GMDS: variants seen among roughly 807,000 people sequenced by gnomAD.
GMDS encodes GDP-mannose 4,6-dehydratase, also known as GDP-mannose 4,6 dehydratase.
A neutral mutation model predicts 49.9 loss-of-function variants in GMDS; 20 were observed. The observed-to-expected ratio is 0.40, with a 90% CI of 0.28 to 0.58. The LOEUF (loss-of-function observed/expected upper bound fraction) is 0.58, where lower values mean the gene tolerates loss of function less well. Ranked by LOEUF, GMDS falls within the 20% of genes least tolerant of loss-of-function variation. The pLI, the probability that GMDS is intolerant of heterozygous loss-of-function variation, is 0.42. For synonymous variants in GMDS, 177 were observed against 178.6 expected (o/e 0.99, Z 0.07); for missense variants, 362 against 481.4 (o/e 0.75, Z 2.32).
chr6:2,089,562 A>T (rs1223132243), intron 4 of GMDS, among the ~76,000 whole-genome samples: 2 of 152,158 alleles, frequency 1.3e-5, no homozygotes, highest in African/African-American at 4.8e-5. Flanking sequence ...AGAGAAAAGG[A>T]GATGTAAGAG....
intron 1 of GMDS, among the ~76,000 whole-genome samples, chr6:2,204,077 T>C (rs748439821): frequency 9.9e-5 from 15 of 152,230 alleles, no homozygotes; most frequent in Non-Finnish European, 1.8e-4. Context: ...ACTAGCATCC[T>C]AGTTGTCTTT....
intron 4 of GMDS, among the ~76,000 whole-genome samples, chr6:1,999,119 C>T (rs531410531): frequency 6.6e-4 from 100 of 151,950 alleles, no homozygotes; most frequent in African/African-American, 1.4e-3. Flanking sequence ...GTCAGGAAAT[C>T]GAGACCAGCC....
At chr6:2,026,758 G>A (rs1185121322) in intron 4 of GMDS, among the ~76,000 whole-genome samples, 1 of 152,178 alleles carries the variant, frequency 6.6e-6, no homozygotes, top group East Asian at 1.9e-4. Context: ...CTGTGGATGA[G>A]GCAGCCAGCT....
chr6:2,239,329 CAAAA>C (rs60419938), intron 1 of GMDS, among the ~76,000 whole-genome samples: 2 of 101,074 alleles, frequency 2.0e-5, no homozygotes, highest in Admixed American at 1.1e-4. Flanking sequence ...AGATCTGTCT[CAAAA>C]AAAAAAAAAA....
At chr6:2,147,068 G>A (rs1776592304) in intron 1 of GMDS, among the ~76,000 whole-genome samples, 1 of 152,132 alleles carries the variant, frequency 6.6e-6, no homozygotes, top group Admixed American at 6.5e-5. Context: ...AAAGGTGAAG[G>A]AAAATAGGAG....
intron 7 of GMDS, among the ~76,000 whole-genome samples, chr6:1,894,048 C>T (rs1760025549): frequency 6.6e-6 from 1 of 152,156 alleles, no homozygotes; most frequent in Non-Finnish European, 1.5e-5. Flanking sequence ...CAAGAGGTCA[C>T]CGGAACTGAT....
intron 1 of GMDS, among the ~76,000 whole-genome samples, chr6:2,139,091 T>G (rs1362233182): frequency 3.9e-5 from 6 of 152,184 alleles, no homozygotes; most frequent in African/African-American, 7.2e-5. Context: ...AATCTACATG[T>G]CAGGTACCAT....
chr6:2,184,575 C>T (rs1425784516), intron 1 of GMDS, among the ~76,000 whole-genome samples: 2 of 152,160 alleles, frequency 1.3e-5, no homozygotes, highest in East Asian at 3.9e-4. Flanking sequence ...AGAGGCTGCC[C>T]GGACCTACAT....
At chr6:1,856,309 A>T (rs1757936993) in intron 7 of GMDS, among the ~76,000 whole-genome samples, 1 of 152,228 alleles carries the variant, frequency 6.6e-6, no homozygotes, top group Non-Finnish European at 1.5e-5. Flanking sequence ...CGTCACAGAA[A>T]TGTGCTCTAA....
intron 4 of GMDS, among the ~76,000 whole-genome samples, chr6:1,983,614 GA>G (rs1272416109): frequency 3.3e-5 from 5 of 151,844 alleles, no homozygotes; most frequent in Admixed American, 3.3e-4. Flanking sequence ...ACAAGCATTT[GA>G]AAAAAAAGCT....
At chr6:2,243,398 A>G (rs551219275) in intron 1 of GMDS, among the ~76,000 whole-genome samples, 1 of 152,344 alleles carries the variant, frequency 6.6e-6, no homozygotes, top group East Asian at 1.9e-4. Context: ...AAATTGGTAT[A>G]GGCCACACCA....
In GMDS at chr6:1,869,933, C is replaced by T. The variant is rs80351530; in HGVS notation, c.771+60170G>A. 5.1e-3 allele frequency among the ~76,000 whole-genome samples: 772 copies of T among 152,322 alleles called. 11 individuals are homozygous for T. Among genetic ancestry groups the T allele is most frequent in the African/African-American group, 0.017 (723 of 41,576 alleles). Reference sequence around the variant, plus strand: ...AGGGCAGCCAAACAGCCCTGCATGCCTGGAGGGGTCCTTCTGCCGCAGGGT... The same window carrying T: ...AGGGCAGCCAAACAGCCCTGCATGCTTGGAGGGGTCCTTCTGCCGCAGGGT... On this transcript the variant is annotated intron_variant, in intron 7 of 10. Transcript: ENST00000380815.
intron 4 of GMDS, among the ~76,000 whole-genome samples, chr6:2,106,524 T>C (rs1774251552): frequency 6.6e-6 from 1 of 152,166 alleles, no homozygotes; most frequent in African/African-American, 2.4e-5. Context: ...CAAAGTATCA[T>C]TTATGTCTTC....
chr6:2,195,286 T>C (rs1312268861), intron 1 of GMDS, among the ~76,000 whole-genome samples: 1 of 151,960 alleles, frequency 6.6e-6, no homozygotes, highest in East Asian at 1.9e-4. Flanking sequence ...AATAGGAAAT[T>C]AGACGTTACA....
chr6:1,731,328 A>G (rs1217443462), intron 8 of GMDS, among the ~76,000 whole-genome samples: 1 of 152,254 alleles, frequency 6.6e-6, no homozygotes, highest in East Asian at 1.9e-4. Context: ...TCTTAAAATA[A>G]GTCAAGAATA....
intron 1 of GMDS, among the ~76,000 whole-genome samples, chr6:2,172,433 C>T (rs1344127726): frequency 6.6e-6 from 1 of 152,156 alleles, no homozygotes; most frequent in Non-Finnish European, 1.5e-5. Context: ...TGGCTCACGC[C>T]TGCAATCCCA....
intron 9 of GMDS, among the ~76,000 whole-genome samples, chr6:1,660,789 G>A (rs889823660): frequency 1.4e-5 from 2 of 146,620 alleles, no homozygotes; most frequent in African/African-American, 5.1e-5. Context: ...CGAGATGACA[G>A]GAGATGTTGG....
intron 1 of GMDS, among the ~76,000 whole-genome samples, chr6:2,226,975 T>A: frequency 6.6e-6 from 1 of 152,188 alleles, no homozygotes; most frequent in Admixed American, 6.5e-5. Context: ...CCAGTAACAT[T>A]TGCTGAAAAG....
chr6:2,168,115 C>T (rs1777758815), intron 1 of GMDS, among the ~76,000 whole-genome samples: 1 of 152,200 alleles, frequency 6.6e-6, no homozygotes, highest in Non-Finnish European at 1.5e-5. Flanking sequence ...GAGGTACAAA[C>T]TTCTCTAAGG....
Sources: allele counts gnomAD v4.1 joint callset (sites outside exome capture counted in the v4.1 genomes callset), GRCh38; gene constraint gnomAD v4.1.1; transcripts MANE v1.5; gene names NCBI Gene and HGNC (gene_info 2026-07-23, HGNC 2026-07-21).